Variants in NLRP9 observed in about 807,000 individuals in gnomAD.
NLRP9 encodes the protein NLR family pyrin domain containing 9.
In NLRP9, 88 loss-of-function variants were observed where a neutral mutation model predicts 83.1. The observed-to-expected ratio is 1.06, with a 90% CI of 0.89 to 1.26. The LOEUF is 1.26. Ranked by LOEUF, NLRP9 falls within the 50% of genes most tolerant of loss-of-function variation. The pLI, the probability that NLRP9 is intolerant of heterozygous loss-of-function variation, is 0.00. For synonymous variants in NLRP9, 521 were observed against 447.6 expected (o/e 1.16, Z -2.07); for missense variants, 1,308 against 1,179.3 (o/e 1.11, Z -1.60).
rs768550796 is a variant in NLRP9, at chr19:55,712,574, G to A, written c.2518C>T (p.Leu840Phe). 4.3e-6 allele frequency: 7 copies of A among 1,612,274 alleles called. No homozygotes were observed. In the South Asian group the frequency reaches 5.5e-5, roughly 13 times the overall value. ...ATGTCCTTACAGGAATCGGAAGTAA[G>A]GAAACAGCCCATCAACCTGGGGAGG... Reference protein sequence around the residue: ...IRELWLMGCFLTSDSCKDIAA... With the variant: ...IRELWLMGCFFTSDSCKDIAA... Residue 840 changes from leucine (L) to phenylalanine (F), a missense_variant, in exon 7 of 9, where the codon CTT becomes TTT. Physicochemically the swap from Leu to Phe is conservative, Grantham distance 22. Coordinates refer to ENST00000332836, the MANE Select transcript of NLRP9 (RefSeq NM_176820.4).
intron 4 of NLRP9, among the ~76,000 whole-genome samples, chr19:55,719,625 C>T (rs772564715): frequency 6.6e-6 from 1 of 152,146 alleles, no homozygotes; most frequent in African/African-American, 2.4e-5. Flanking sequence ...TCTTCTGTGC[C>T]GCATAGAAAG....
At chr19:55,722,242 TCCCC>T (rs1988249898) in intron 4 of NLRP9, among the ~76,000 whole-genome samples, 1 of 152,150 alleles carries the variant, frequency 6.6e-6, no homozygotes, top group Non-Finnish European at 1.5e-5. Context: ...GTAGATATGT[TCCCC>T]AATCCTTATG....
intron 3 of NLRP9, among the ~76,000 whole-genome samples, chr19:55,729,330 C>T (rs1315870776): frequency 6.6e-6 from 1 of 151,684 alleles, no homozygotes; most frequent in Non-Finnish European, 1.5e-5. Flanking sequence ...TGGTGTGCTG[C>T]ACCCATTAAC....
At position 55,732,072 on chromosome 19, in the gene NLRP9, G is replaced by C; in HGVS notation, c.1759C>G (p.His587Asp). Reference sequence around the variant, plus strand: ...CGAAGTGTCGTTAAATGTTGACAATGCTTCAGGCAGAATGAAGCTATTACC... The same window carrying C: ...CGAAGTGTCGTTAAATGTTGACAATCCTTCAGGCAGAATGAAGCTATTACC... ...HLVIASFCLK[H>D]CQHLTTLRMC... The change falls in exon 2 of 9, where the codon CAT becomes GAT. Residue 587 changes from histidine to aspartate, a missense_variant. His to Asp is a moderately conservative substitution (Grantham distance 81). Coordinates refer to ENST00000332836, the MANE Select transcript of NLRP9 (RefSeq NM_176820.4). The C allele has an allele frequency of 6.2e-7, 1 of 1,609,090 alleles. No homozygotes were observed. Among genetic ancestry groups the C allele is most frequent in the Non-Finnish European group, 8.5e-7 (1 of 1,178,494 alleles).
At position 55,715,202 on chromosome 19, in the gene NLRP9, G is replaced by T. The variant is rs1391565007; in HGVS notation, c.2354C>A (p.Ser785Tyr). ...RLMLMYCCLT[S>Y]VSCDSISEVL... ...TTCGGAAATGGAGTCACAGGAGACA[G>T]AGGTGAGACAGCAGTACATCAACCT... Residue 785 changes from serine to tyrosine, a missense_variant, in exon 6 of 9, where the codon TCT (serine) becomes TAT (tyrosine). Coordinates refer to ENST00000332836, the MANE Select transcript of NLRP9 (RefSeq NM_176820.4). 6.2e-7 allele frequency: 1 copy of T among 1,613,388 alleles called. No homozygotes were observed. Among genetic ancestry groups the T allele is most frequent in the Admixed American group, 1.7e-5 (1 of 59,986 alleles).
chr19:55,729,537 C>T (rs926983036), intron 3 of NLRP9, among the ~76,000 whole-genome samples: 1 of 151,952 alleles, frequency 6.6e-6, no homozygotes, highest in Admixed American at 6.6e-5. Context: ...TTTCCAGCTT[C>T]GTCCATGTTC....
At position 55,732,115 on chromosome 19, in the gene NLRP9, A is replaced by T; in HGVS notation, c.1716T>A (p.Ile572=). 1.2e-6 allele frequency: 2 copies of T among 1,612,658 alleles called. No homozygotes were observed. Among genetic ancestry groups the T allele is most frequent in the African/African-American group, 2.7e-5 (2 of 74,978 alleles). ...MNFFEEVFIY[I]GNIEHLVIAS... ...CTATTACCAAATGTTCTATGTTACCAATATAAATGAAAACTTCTTCAAAGA... is the reference window on the plus strand; with the variant it reads ...CTATTACCAAATGTTCTATGTTACCTATATAAATGAAAACTTCTTCAAAGA... The change falls in exon 2 of 9, where the codon ATT becomes ATA. Residue 572 remains isoleucine (I), a synonymous_variant. Coordinates refer to ENST00000332836, the MANE Select transcript of NLRP9 (RefSeq NM_176820.4).
chr19:55,714,583 T>C (rs1319432785), intron 6 of NLRP9, among the ~76,000 whole-genome samples: 1 of 149,634 alleles, frequency 6.7e-6, no homozygotes, highest in Non-Finnish European at 1.5e-5. Flanking sequence ...TAGCCTCATC[T>C]GGATTTTTTT....
chr19:55,732,650 C>A lies in NLRP9; in HGVS notation c.1181G>T (p.Ser394Ile). The A allele has an allele frequency of 6.2e-7, 1 of 1,614,196 alleles. No individual in the cohort carries two copies. The change falls in exon 2 of 9, where the codon AGC (serine) becomes ATC (isoleucine). Residue 394 changes from serine (S) to isoleucine (I), a missense_variant. Transcript: ENST00000332836. ...PPKVNRARLK[S>I]LCALAAEGIW... ...TCCCTCTGCAGCCAAAGCACACAGG[C>A]TTTTTAGTCGGGCTCTGTTCACCTT...
rs912045906 is a variant in NLRP9, at chr19:55,711,981, G to C, written c.2673-11C>G. 6.2e-7 allele frequency: 1 copy of C among 1,610,670 alleles called. No homozygotes were observed. Among genetic ancestry groups the C allele is most frequent in the Non-Finnish European group, 8.5e-7 (1 of 1,178,212 alleles). On this transcript the variant is annotated splice_polypyrimidine_tract_variant and intron_variant, in intron 7 of 8. Coordinates refer to ENST00000332836, the MANE Select transcript of NLRP9 (RefSeq NM_176820.4). ...GGACACGTTTGCAGCCTGCAAAAGGGAAACACACCAGAGAATCCACTCTAG... is the reference window on the plus strand; with the variant it reads ...GGACACGTTTGCAGCCTGCAAAAGGCAAACACACCAGAGAATCCACTCTAG...
At chr19:55,716,607 T>G in intron 5 of NLRP9, 121 bp downstream of exon 5, 1 of 788,120 alleles carries the variant, frequency 1.3e-6, no homozygotes, top group Non-Finnish European at 2.1e-6. Flanking sequence ...GGAACTCAGG[T>G]CTAGCTACGG....
At chr19:55,734,596 CATACACAT>C (rs1988727462) in intron 1 of NLRP9, among the ~76,000 whole-genome samples, 1 of 134,910 alleles carries the variant, frequency 7.4e-6, no homozygotes, top group African/African-American at 3.0e-5. Flanking sequence ...CACATATATA[CATACACAT>C]ACACACACAC....
Position 55,715,204 on chromosome 19 carries a change from G to C in NLRP9, c.2352C>G (p.Thr784=), listed in dbSNP as rs372791408. The change falls in exon 6 of 9, where the codon ACC becomes ACG. Residue 784 remains threonine, a synonymous_variant. Transcript: ENST00000332836. ...ERLMLMYCCL[T]SVSCDSISEV... is the part of the protein sequence containing the mutation. Reference sequence around the variant, plus strand: ...CGGAAATGGAGTCACAGGAGACAGAGGTGAGACAGCAGTACATCAACCTGC... The same window carrying C: ...CGGAAATGGAGTCACAGGAGACAGACGTGAGACAGCAGTACATCAACCTGC... The C allele has an allele frequency of 2.5e-6, 4 of 1,613,178 alleles. No individual in the cohort carries two copies. Among genetic ancestry groups the C allele is most frequent in the East Asian group, 4.5e-5 (2 of 44,876 alleles).
rs188797110 is a variant in NLRP9, at chr19:55,716,880, G to A, written c.2178C>T (p.Ile726=). 6 of 1,613,704 alleles carry A rather than the reference G, an allele frequency of 3.7e-6. No homozygotes were observed. In the African/African-American group the frequency reaches 8.0e-5, roughly 22 times the overall value. Residue 726 remains isoleucine, a synonymous_variant, in exon 5 of 9, where the codon ATC becomes ATT. Transcript: ENST00000332836. ...CGATGTCTTCACAAACTTCACTGGAGATGTCACACTTTCCCAGTCTACATG... is the reference window on the plus strand; with the variant it reads ...CGATGTCTTCACAAACTTCACTGGAAATGTCACACTTTCCCAGTCTACATG... ...IEELILGKCD[I]SSEVCEDIAS...
rs1987580567 is a variant in NLRP9, at chr19:55,709,060, TAAAG to T, written c.2844-20_2844-17del. 1 of 1,549,678 alleles carries T rather than the reference TAAAG, an allele frequency of 6.5e-7. No homozygotes were observed. Among genetic ancestry groups the T allele is most frequent in the Non-Finnish European group, 8.6e-7 (1 of 1,157,548 alleles). The stretch of plus-strand genomic sequence containing the variant: ...TTTGTGCAGCCTGGGAAAATAGAAA[TAAAG>T]TTTTTTTTTTTGTTTTTCATTTTTA... On this transcript the variant is annotated splice_polypyrimidine_tract_variant and intron_variant, in intron 8 of 8. Transcript: ENST00000332836.
chr19:55,716,559 A>G (rs549887056), intron 5 of NLRP9, among the ~76,000 whole-genome samples, 169 bp downstream of exon 5: 1 of 152,202 alleles, frequency 6.6e-6, no homozygotes, highest in Admixed American at 6.5e-5. Flanking sequence ...ACGCCCAGCC[A>G]GCTCCATTTT....
chr19:55,723,839 TGAGA>T, intron 4 of NLRP9, 137 bp downstream of exon 4: 3 of 642,932 alleles, frequency 4.7e-6, no homozygotes, highest in Admixed American at 6.0e-5. Context: ...CTTCACCTTA[TGAGA>T]GAGACAGATT....
Position 55,712,731 on chromosome 19 carries a change from G to A in NLRP9, c.2502-141C>T, listed in dbSNP as rs566254656. 33 of 495,428 alleles carry A rather than the reference G, an allele frequency of 6.7e-5. No individual in the cohort carries two copies. In the African/African-American group the frequency reaches 7.1e-4, roughly 11 times the overall value. The allele number at this position is 495,428 out of a possible 1,614,324, so 30.7% of individuals were successfully genotyped here. ...AGGAGGGTGGGGAGGGGAAGGAGGA[G>A]AGAAGAATGAGGGAGGAGAGAAGAG... On this transcript the variant is annotated intron_variant, in intron 6 of 8. Coordinates refer to ENST00000332836, the MANE Select transcript of NLRP9 (RefSeq NM_176820.4).
Position 55,729,926 on chromosome 19 carries a change from C to A in NLRP9, c.1899G>T (p.Gln633His), listed in dbSNP as rs746007137. The change falls in exon 3 of 9, where the codon CAG becomes CAT. Residue 633 changes from glutamine (Q) to histidine (H), a missense_variant. Coordinates refer to ENST00000332836, the MANE Select transcript of NLRP9 (RefSeq NM_176820.4). ...CSMFITNKNF[Q>H]ILDMENTSLD... ...GGCTGGTATTTTCCATGTCTAAAATCTGGAAGTTCTTGTTGGTAATGAACA... is the reference window on the plus strand; with the variant it reads ...GGCTGGTATTTTCCATGTCTAAAATATGGAAGTTCTTGTTGGTAATGAACA... The A allele has an allele frequency of 2.5e-6, 4 of 1,613,710 alleles. No homozygotes were observed. The South Asian group carries it at 3.3e-5, about 13-fold the overall frequency.
Sources: gnomAD v4.1 joint callset for allele counts (sites outside exome capture counted in the v4.1 genomes callset) on GRCh38, gnomAD v4.1.1 for gene constraint, MANE v1.5 for transcripts, NCBI Gene and HGNC (gene_info 2026-07-23, HGNC 2026-07-21) for gene names.